OSBPL9: variants seen among roughly 807,000 people sequenced by gnomAD.
OSBPL9 encodes the protein oxysterol-binding protein-related protein 9.
OSBPL9 carries 40 observed loss-of-function variants against 106.6 expected under a neutral mutation model. The observed-to-expected ratio is 0.38, with a 90% confidence interval of 0.29 to 0.49. The LOEUF is 0.49. Ranked by LOEUF, OSBPL9 falls within the 20% of genes least tolerant of loss-of-function variation. OSBPL9 has a pLI of 0.97. For synonymous variants in OSBPL9, 269 were observed against 295.4 expected (o/e 0.91, Z 0.92); for missense variants, 609 against 887.2 (o/e 0.69, Z 3.98).
chr1:51,755,320 TC>T (rs1477757117), intron 8 of OSBPL9, among the ~76,000 whole-genome samples: 1 of 152,212 alleles, frequency 6.6e-6, no homozygotes, highest in East Asian at 1.9e-4. Flanking sequence ...ATCACCATAA[TC>T]TAATTTTAGC....
the OSBPL9 span, among the ~76,000 whole-genome samples, chr1:51,556,607 A>C: frequency 7.2e-5 from 11 of 152,182 alleles, no homozygotes; most frequent in South Asian, 1.2e-3. Flanking sequence ...CAACATGGTG[A>C]AACCCTGTCT....
chr1:51,773,822 A>T (rs1330072504), intron 14 of OSBPL9, among the ~76,000 whole-genome samples: 2 of 152,200 alleles, frequency 1.3e-5, no homozygotes, highest in Non-Finnish European at 2.9e-5. Context: ...CAGAGACACA[A>T]GGACAACTTT....
At chr1:51,616,871 CAG>C, upstream of OSBPL9, 1 of 556,152 alleles carries the variant, frequency 1.8e-6, no homozygotes, top group Non-Finnish European at 3.0e-6. Flanking sequence ...AATCCCATGA[CAG>C]ATTATAAATA....
intron 3 of OSBPL9, among the ~76,000 whole-genome samples, chr1:51,686,792 A>G (rs1653905412): frequency 6.6e-6 from 1 of 152,212 alleles, no homozygotes. Flanking sequence ...ACCTGTACCC[A>G]ATTTAATTTT....
the OSBPL9 span, among the ~76,000 whole-genome samples, chr1:51,548,103 C>A: frequency 6.6e-6 from 1 of 151,888 alleles, no homozygotes; most frequent in Non-Finnish European, 1.5e-5. Flanking sequence ...TTAAAAAAAT[C>A]ATCTGGAGGA....
chr1:51,541,905 T>C, the OSBPL9 span, among the ~76,000 whole-genome samples: 1 of 152,138 alleles, frequency 6.6e-6, no homozygotes, highest in Admixed American at 6.5e-5. Context: ...TTTTATTTTT[T>C]GAGACAGGGT....
intron 3 of OSBPL9, among the ~76,000 whole-genome samples, chr1:51,713,356 G>A (rs1362200644): frequency 6.6e-6 from 1 of 151,920 alleles, no homozygotes; most frequent in Admixed American, 6.6e-5. Context: ...TACCATGTTG[G>A]CCAGGCTGGT....
At chr1:51,764,705 G>A (rs561203021) in intron 11 of OSBPL9, among the ~76,000 whole-genome samples, 3 of 151,970 alleles carry the variant, frequency 2.0e-5, no homozygotes, top group South Asian at 2.1e-4. Context: ...CCAGCCTGTC[G>A]TGTAGCTGAG....
chr1:51,581,482 T>C (rs1645221422), intron 1 of OSBPL9, among the ~76,000 whole-genome samples: 1 of 152,212 alleles, frequency 6.6e-6, no homozygotes, highest in South Asian at 2.1e-4. Flanking sequence ...AGAAAGTCAA[T>C]ATGTACAGTC....
At chr1:51,640,908 T>G (rs1214610621) in intron 1 of OSBPL9, among the ~76,000 whole-genome samples, 2 of 151,582 alleles carry the variant, frequency 1.3e-5, no homozygotes, top group South Asian at 2.1e-4. Context: ...CGCAGCCCCC[T>G]GAGTACCTAG....
chr1:51,550,990 A>C, the OSBPL9 span, among the ~76,000 whole-genome samples: 1 of 152,220 alleles, frequency 6.6e-6, no homozygotes. Context: ...TACATACATT[A>C]GTTCATTTAA....
At chr1:51,693,756 T>TA (rs1655461193) in intron 3 of OSBPL9, among the ~76,000 whole-genome samples, 1 of 152,228 alleles carries the variant, frequency 6.6e-6, no homozygotes, top group Admixed American at 6.5e-5. Flanking sequence ...ATTTTAATTC[T>TA]AAAAAATATA....
At chr1:51,713,166 T>A (rs1307082729) in intron 3 of OSBPL9, among the ~76,000 whole-genome samples, 2 of 152,138 alleles carry the variant, frequency 1.3e-5, no homozygotes, top group Non-Finnish European at 2.9e-5. Flanking sequence ...TTTATTTATT[T>A]TGAGACAGAG....
At chr1:51,647,111 T>G (rs916664133) in intron 1 of OSBPL9, among the ~76,000 whole-genome samples, 2 of 152,222 alleles carry the variant, frequency 1.3e-5, no homozygotes, top group African/African-American at 4.8e-5. Context: ...TTCTAGTTTG[T>G]TGAGTGGTTT....
At chr1:51,551,561 CATTTATTTATTT>C in the OSBPL9 span, among the ~76,000 whole-genome samples, 4 of 151,876 alleles carry the variant, frequency 2.6e-5, no homozygotes, top group East Asian at 1.9e-4. Context: ...TTCCAACAGT[CATTTATTTATTT>C]ATTTATTTAT....
At chr1:51,549,788 G>A in the OSBPL9 span, among the ~76,000 whole-genome samples, 1 of 152,210 alleles carries the variant, frequency 6.6e-6, no homozygotes, top group Non-Finnish European at 1.5e-5. Flanking sequence ...AGCTGAGATT[G>A]TGCCACTGCA....
At chr1:51,600,705 G>A (rs748051651) in intron 2 of OSBPL9, among the ~76,000 whole-genome samples, 1 of 152,024 alleles carries the variant, frequency 6.6e-6, no homozygotes, top group African/African-American at 2.4e-5. Flanking sequence ...GGTCTTGAAG[G>A]GTTATTATAA....
chr1:51,581,672 TAG>T (rs1645222274), intron 1 of OSBPL9, among the ~76,000 whole-genome samples: 1 of 152,214 alleles, frequency 6.6e-6, no homozygotes, highest in Admixed American at 6.5e-5. Context: ...TTATTTTTTT[TAG>T]AGATAGGGTC....
At chr1:51,546,869 A>G in the OSBPL9 span, among the ~76,000 whole-genome samples, 2 of 152,208 alleles carry the variant, frequency 1.3e-5, no homozygotes, top group Admixed American at 6.5e-5. Flanking sequence ...AAAAGAGAGA[A>G]AAAGATATAA....
Sources: allele counts gnomAD v4.1 joint callset (sites outside exome capture counted in the v4.1 genomes callset), GRCh38; gene constraint gnomAD v4.1.1; transcripts MANE v1.5; gene names NCBI Gene and HGNC (gene_info 2026-07-23, HGNC 2026-07-21).